Variants in ADGRA1 observed in about 807,000 individuals in gnomAD.
ADGRA1 encodes the protein adhesion G protein-coupled receptor A1.
A neutral mutation model predicts 21.3 loss-of-function variants in ADGRA1; 12 were observed. The observed-to-expected ratio is 0.56, with a 90% CI of 0.36 to 0.91. The LOEUF (loss-of-function observed/expected upper bound fraction) is 0.91, where lower values mean the gene tolerates loss of function less well. Among genes scored for constraint, ADGRA1 ranks in the 40% least tolerant of loss-of-function variants. The pLI is 0.01. For synonymous variants in ADGRA1, 385 were observed against 368.8 expected (o/e 1.04, Z -0.50); for missense variants, 790 against 805.6 (o/e 0.98, Z 0.23).
chr10:133,124,184 C>T (rs962841161), intron 5 of ADGRA1, among the ~76,000 whole-genome samples: 1 of 149,678 alleles, frequency 6.7e-6, no homozygotes, highest in Non-Finnish European at 1.5e-5. Context: ...GCCAGGCCAC[C>T]CTCTTGGGCT....
chr10:133,127,757 GCCTTGCCCCGCCC>G (rs768130317), intron 6 of ADGRA1, among the ~76,000 whole-genome samples: 33 of 94,376 alleles, frequency 3.5e-4, no homozygotes, highest in African/African-American at 1.0e-3. Context: ...TCTGCCCTCC[GCCTTGCCCCGCCC>G]ACCCAGCTCC....
chr10:133,114,118 A>C (rs918886791), intron 5 of ADGRA1, among the ~76,000 whole-genome samples: 6 of 152,194 alleles, frequency 3.9e-5, no homozygotes, highest in African/African-American at 1.4e-4. Flanking sequence ...CACGTGGTAC[A>C]ACCCCTTCTC....
chr10:133,126,373 A>AC (rs1204691139), intron 5 of ADGRA1, among the ~76,000 whole-genome samples: 1 of 152,026 alleles, frequency 6.6e-6, no homozygotes, highest in Non-Finnish European at 1.5e-5. Context: ...GACACAGGCC[A>AC]CCCCCTCCCA....
rs374919151 is a variant in ADGRA1 at position 133,127,363 on chromosome 10, G to A, written c.500+32G>A. Reference sequence around the variant, plus strand: ...ACCGGGCACCCAGAACCGGGAGCTGGGAGCAGCGGGTGGGCTCTGCCTGAG... The same window carrying A: ...ACCGGGCACCCAGAACCGGGAGCTGAGAGCAGCGGGTGGGCTCTGCCTGAG... On this transcript the variant is annotated intron_variant, in intron 6 of 6. Coordinates refer to ENST00000392607, the MANE Select transcript of ADGRA1 (RefSeq NM_001083909.3). 26 of 1,515,990 alleles carry A rather than the reference G, an allele frequency of 1.7e-5. No individual in the cohort carries two copies. In the African/African-American group the frequency reaches 2.2e-4, roughly 13 times the overall value. The allele number at this position is 1,515,990 out of a possible 1,614,324, so 93.9% of individuals were successfully genotyped here.
At chr10:133,102,962 T>G in intron 5 of ADGRA1, 120 bp downstream of exon 5, 2 of 1,044,950 alleles carry the variant, frequency 1.9e-6, no homozygotes, top group Non-Finnish European at 2.7e-6. Flanking sequence ...ATCCGGTCCA[T>G]GGGGGAGGGT....
chr10:133,115,198 G>T (rs1852134020), intron 5 of ADGRA1, among the ~76,000 whole-genome samples: 1 of 152,070 alleles, frequency 6.6e-6, no homozygotes, highest in Non-Finnish European at 1.5e-5. Context: ...CGCCTGAGTG[G>T]GGCTGTCCCG....
intron 5 of ADGRA1, among the ~76,000 whole-genome samples, chr10:133,120,586 G>T (rs568053209): frequency 6.6e-6 from 1 of 152,258 alleles, no homozygotes; most frequent in Admixed American, 6.5e-5. Flanking sequence ...TGCTAACTTG[G>T]AGCATTTTTT....
chr10:133,094,907 A>G (rs1464250316), intron 2 of ADGRA1, among the ~76,000 whole-genome samples: 2 of 152,128 alleles, frequency 1.3e-5, no homozygotes, highest in Non-Finnish European at 2.9e-5. Context: ...GGATAACCTG[A>G]TGTCGGGATT....
rs544768091 is a variant in ADGRA1 at position 133,105,220 on chromosome 10, C to T, written c.401+2378C>T. On this transcript the variant is annotated intron_variant, in intron 5 of 6. Coordinates refer to ENST00000392607, the MANE Select transcript of ADGRA1 (RefSeq NM_001083909.3). ...CCCTCTCTGGCCGTTCCCATCCTGCCCTCTGAAAAGAATGCCCACACCACT... is the reference window on the plus strand; with the variant it reads ...CCCTCTCTGGCCGTTCCCATCCTGCTCTCTGAAAAGAATGCCCACACCACT... 3.9e-5 allele frequency among the ~76,000 whole-genome samples: 6 copies of T among 152,340 alleles called. No homozygotes were observed. In the East Asian group the frequency reaches 7.7e-4, roughly 20 times the overall value.
chr10:133,125,357 T>C (rs1489781454), intron 5 of ADGRA1, among the ~76,000 whole-genome samples: 1 of 152,248 alleles, frequency 6.6e-6, no homozygotes, highest in East Asian at 1.9e-4. Context: ...TTGGAATTCT[T>C]CCATTTCTCC....
At position 133,102,723 on chromosome 10, in the gene ADGRA1, A is replaced by G; in HGVS notation, c.282A>G (p.Thr94=). 6.8e-6 allele frequency: 11 copies of G among 1,611,922 alleles called. No individual in the cohort carries two copies. The highest frequency in any genetic ancestry group is 9.3e-6 in the Non-Finnish European group (11 of 1,179,366). The change falls in exon 5 of 7, where the codon ACA becomes ACG. Residue 94 remains threonine (T), a synonymous_variant. Transcript: ENST00000392607. ...TGGGCATCGTGCTGCACTATTCTAC[A>G]CTGTCCACCATGCTGTGGATAGGAG... is the stretch of plus-strand genomic sequence containing the variant. The part of the protein sequence containing the change: ...QAVGIVLHYS[T]LSTMLWIGVT...
chr10:133,126,075 C>T (rs966705300), intron 5 of ADGRA1, among the ~76,000 whole-genome samples: 2 of 152,202 alleles, frequency 1.3e-5, no homozygotes, highest in Non-Finnish European at 2.9e-5. Flanking sequence ...CCAGGGGCTT[C>T]CTGCTGTTCT....
rs150570059 is a variant in ADGRA1 at position 133,120,808 on chromosome 10, G to A, written c.402-6425G>A. Among the ~76,000 whole-genome samples, 364 of 152,338 alleles carry A rather than the reference G, an allele frequency of 2.4e-3. 3 individuals are homozygous for A. Among genetic ancestry groups the A allele is most frequent in the African/African-American group, 4.1e-3 (171 of 41,572 alleles). On this transcript the variant is annotated intron_variant, in intron 5 of 6. Coordinates refer to ENST00000392607, the MANE Select transcript of ADGRA1 (RefSeq NM_001083909.3). ...AATTTTCTTCAATAATTTATCCTTT[G>A]CATTCACAACGTGGCTGTTTGTCAC...
At chr10:133,091,911 G>A (rs559081258) in intron 2 of ADGRA1, among the ~76,000 whole-genome samples, 94 of 152,366 alleles carry the variant, frequency 6.2e-4, no homozygotes, top group Non-Finnish European at 1.2e-3. Flanking sequence ...CCCCCAGGAA[G>A]GGGAGTCTCG....
intron 2 of ADGRA1, among the ~76,000 whole-genome samples, chr10:133,094,727 G>C (rs895587275): frequency 6.6e-6 from 1 of 151,388 alleles, no homozygotes; most frequent in African/African-American, 2.4e-5. Context: ...ACTGTGTAGA[G>C]CGTTCAGGTT....
At chr10:133,119,807 G>A (rs1361892456) in intron 5 of ADGRA1, among the ~76,000 whole-genome samples, 1 of 152,226 alleles carries the variant, frequency 6.6e-6, no homozygotes, top group Non-Finnish European at 1.5e-5. Context: ...TGAGCAGTAG[G>A]TCTCAACAGT....
intron 3 of ADGRA1, 127 bp from the exon 4 acceptor site, chr10:133,098,513 A>G (rs962707512): frequency 8.7e-7 from 1 of 1,144,614 alleles, no homozygotes; most frequent in Non-Finnish European, 1.2e-6. Flanking sequence ...GTCCTCGGAC[A>G]GCTGCCCCTG....
At chr10:133,119,938 T>C (rs1175661636) in intron 5 of ADGRA1, among the ~76,000 whole-genome samples, 1 of 152,204 alleles carries the variant, frequency 6.6e-6, no homozygotes, top group Non-Finnish European at 1.5e-5. Flanking sequence ...CCTGGGATTT[T>C]CAGAATGGTG....
rs141740444 is a variant in ADGRA1 at position 133,106,745 on chromosome 10, G to A, written c.401+3903G>A. 9.8e-4 allele frequency among the ~76,000 whole-genome samples: 149 copies of A among 152,372 alleles called. No homozygotes were observed. The South Asian group carries it at 0.014, about 14-fold the overall frequency. ...GGACGTCACACAGAGTGTGCAGCATGCTTCCTGGGGGAAGGCCATCGAGGC... is the reference window on the plus strand; with the variant it reads ...GGACGTCACACAGAGTGTGCAGCATACTTCCTGGGGGAAGGCCATCGAGGC... On this transcript the variant is annotated intron_variant, in intron 5 of 6. Transcript: ENST00000392607.
Sources: gnomAD v4.1 joint callset for allele counts (sites outside exome capture counted in the v4.1 genomes callset) on GRCh38, gnomAD v4.1.1 for gene constraint, MANE v1.5 for transcripts, NCBI Gene and HGNC (gene_info 2026-07-23, HGNC 2026-07-21) for gene names.